The following HNRNPR variants were observed in gnomAD, a reference collection of about 807,000 sequenced individuals.
HNRNPR encodes the protein heterogeneous nuclear ribonucleoprotein R.
In HNRNPR, 4 loss-of-function variants were observed where a neutral mutation model predicts 70.3. The observed-to-expected ratio is 0.06, with a 90% CI of 0.03 to 0.13. The LOEUF is 0.13. Among genes scored for constraint, HNRNPR ranks in the 10% least tolerant of loss-of-function variants. The pLI is 1.00. For missense variants in HNRNPR, 423 were observed against 788.5 expected, an observed-to-expected ratio of 0.54 and a Z score of 5.55; for synonymous variants, 241 against 267.6, an observed-to-expected ratio of 0.90 and a Z score of 0.97.
intron 7 of HNRNPR, among the ~76,000 whole-genome samples, chr1:23,320,017 A>G (rs771479249): frequency 1.3e-5 from 2 of 152,222 alleles, no homozygotes; most frequent in South Asian, 2.1e-4. Context: ...TCTTATCACA[A>G]TGTCTAAATA....
chr1:23,317,819 A>G (rs1350066247), intron 8 of HNRNPR, among the ~76,000 whole-genome samples: 1 of 151,802 alleles, frequency 6.6e-6, no homozygotes, highest in Non-Finnish European at 1.5e-5. Flanking sequence ...GTCTCTACTA[A>G]AAATACAAAA....
intron 1 of HNRNPR, among the ~76,000 whole-genome samples, chr1:23,343,199 A>T (rs1324114733): frequency 6.6e-6 from 1 of 152,210 alleles, no homozygotes; most frequent in East Asian, 1.9e-4. Context: ...TTTGCAAAAA[A>T]AAAGGAGACA....
In HNRNPR at chr1:23,333,722, T is replaced by G. The variant is rs548713829; in HGVS notation, c.385-91A>C. Reference sequence around the variant, plus strand: ...AATCTTTTCCAAAAAGGACTCCAACTTCCTAGGAGATATATTTTTATGGTT... The same window carrying G: ...AATCTTTTCCAAAAAGGACTCCAACGTCCTAGGAGATATATTTTTATGGTT... On this transcript the variant is annotated intron_variant, in intron 4 of 10. Transcript: ENST00000302271. 187 of 661,492 alleles carry G rather than the reference T, an allele frequency of 2.8e-4. No homozygotes were observed. The African/African-American group carries it at 3.2e-3, about 11-fold the overall frequency. 41.0% of individuals were successfully genotyped at this position (661,492 alleles called of 1,614,324 possible).
chr1:23,341,093 T>C, intron 1 of HNRNPR, 76 bp from the exon 2 acceptor site: 2 of 1,082,786 alleles, frequency 1.8e-6, no homozygotes, highest in Non-Finnish European at 2.7e-6. Flanking sequence ...ATGATTTATC[T>C]AAACTAATTT....
At chr1:23,324,130 T>C (rs972992747) in intron 5 of HNRNPR, among the ~76,000 whole-genome samples, 2 of 151,088 alleles carry the variant, frequency 1.3e-5, no homozygotes, top group East Asian at 1.9e-4. Context: ...CTAGGCAACA[T>C]GGCAAAACCC....
chr1:23,335,682 A>G (rs1289429134), intron 4 of HNRNPR, among the ~76,000 whole-genome samples: 1 of 152,170 alleles, frequency 6.6e-6, no homozygotes, highest in Non-Finnish European at 1.5e-5. Flanking sequence ...GTATGCCCAG[A>G]TGGCACCATC....
In HNRNPR at chr1:23,307,085, A is replaced by G. The variant is rs540082777; in HGVS notation, c.*3369T>C. 27 of 152,324 alleles carry G rather than the reference A, an allele frequency of 1.8e-4. No individual in the cohort carries two copies. In the East Asian group the frequency reaches 5.0e-3, roughly 28 times the overall value. The allele number at this position is 152,324 out of a possible 1,614,324, so 9.4% of individuals were successfully genotyped here. ...ACTTTGGTTAGTTTTCTTTAAGAAT[A>G]TTGGTAGCTCAGTATAATAAAATTA... is the stretch of plus-strand genomic sequence containing the variant. On this transcript the variant is annotated 3_prime_UTR_variant, in exon 11 of 11. Coordinates refer to ENST00000302271, the MANE Select transcript of HNRNPR (RefSeq NM_005826.5).
At position 23,305,280 on chromosome 1, in the gene HNRNPR, C is replaced by A. The variant is rs1451567076; in HGVS notation, c.*5174G>T. Reference sequence around the variant, plus strand: ...ATGCTATTTAGTGCTAAGTTTTATACCCTGATCCTTTCTGTCACTGACACA... The same window carrying A: ...ATGCTATTTAGTGCTAAGTTTTATAACCTGATCCTTTCTGTCACTGACACA... On this transcript the variant is annotated 3_prime_UTR_variant, in exon 11 of 11. Transcript: ENST00000302271. 2 of 152,168 alleles carry A rather than the reference C, an allele frequency of 1.3e-5. No homozygotes were observed. The highest frequency in any genetic ancestry group is 2.9e-5 in the Non-Finnish European group (2 of 68,012). The allele number at this position is 152,168 out of a possible 1,614,324, so 9.4% of individuals were successfully genotyped here. A position where few individuals can be genotyped will look rare whatever the true frequency, so the allele number is the denominator to read the frequency against.
intron 1 of HNRNPR, among the ~76,000 whole-genome samples, chr1:23,343,969 C>G (rs1646811073): frequency 6.6e-6 from 1 of 152,140 alleles, no homozygotes; most frequent in Non-Finnish European, 1.5e-5. Context: ...CGGAGAGCGC[C>G]CAGCGGGCCG....
At position 23,313,842 on chromosome 1, in the gene HNRNPR, T is replaced by G. The variant is rs1645429075; in HGVS notation, c.1018-140A>C. The G allele has an allele frequency of 3.1e-6, 3 of 961,960 alleles. No individual in the cohort carries two copies. In the Admixed American group the frequency reaches 1.0e-4, roughly 33 times the overall value. 59.6% of individuals were successfully genotyped at this position (961,960 alleles called of 1,614,324 possible). On this transcript the variant is annotated intron_variant, in intron 8 of 10. Coordinates refer to ENST00000302271, the MANE Select transcript of HNRNPR (RefSeq NM_005826.5). The stretch of plus-strand genomic sequence containing the variant: ...TGTTGTTACAGGTAGTAAGAGAAAT[T>G]GCTAGGAAAATGACACTGATATCAG...
chr1:23,305,332 C>T lies in HNRNPR; in HGVS notation c.*5122G>A, dbSNP rs1374301124. 6.6e-6 allele frequency: 1 copy of T among 152,118 alleles called. No homozygotes were observed. Among genetic ancestry groups the T allele is most frequent in the African/African-American group, 2.4e-5 (1 of 41,424 alleles). 9.4% of individuals were successfully genotyped at this position (152,118 alleles called of 1,614,324 possible). A position where few individuals can be genotyped will look rare whatever the true frequency, so the allele number is the denominator to read the frequency against. On this transcript the variant is annotated 3_prime_UTR_variant, in exon 11 of 11. Transcript: ENST00000302271. ...GCATAAAATGTTACCTTAACACAAC[C>T]CTGCAATCACTACAATTCTTAAAAG...
intron 8 of HNRNPR, among the ~76,000 whole-genome samples, chr1:23,315,782 G>A (rs1320430992): frequency 6.6e-6 from 1 of 152,070 alleles, no homozygotes; most frequent in Non-Finnish European, 1.5e-5. Context: ...CTAATAAGAA[G>A]ATACTAATTT....
At chr1:23,313,789 T>G in intron 8 of HNRNPR, 87 bp from the exon 9 acceptor site, 1 of 1,405,874 alleles carries the variant, frequency 7.1e-7, no homozygotes, top group Non-Finnish European at 9.7e-7. Context: ...GCATAGCTTT[T>G]CTCCTCTAAA....
intron 5 of HNRNPR, among the ~76,000 whole-genome samples, 166 bp from the exon 6 acceptor site, chr1:23,323,898 T>C (rs972701753): frequency 1.3e-5 from 2 of 152,160 alleles, no homozygotes; most frequent in African/African-American, 2.4e-5. Context: ...CTAATTTTTA[T>C]TATAATGACC....
In HNRNPR at chr1:23,318,707, G is replaced by A; in HGVS notation, c.812-19C>T. On this transcript the variant is annotated intron_variant, in intron 7 of 10. Coordinates refer to ENST00000302271, the MANE Select transcript of HNRNPR (RefSeq NM_005826.5). This position sits in a 1 kb window ranked among gnomAD's most constrained non-coding sequence, Gnocchi z 4.2. ...AAACCCTCTGTTAAACCAACAGCCA[G>A]ATATATAAGCCAAAAGCATCCACCA... 1 of 1,613,020 alleles carries A rather than the reference G, an allele frequency of 6.2e-7. No individual in the cohort carries two copies. The highest frequency in any genetic ancestry group is 8.5e-7 in the Non-Finnish European group (1 of 1,179,270).
intron 4 of HNRNPR, among the ~76,000 whole-genome samples, chr1:23,334,232 T>G (rs1646366125): frequency 8.8e-6 from 1 of 114,184 alleles, no homozygotes; most frequent in Admixed American, 9.3e-5. Context: ...CTTTCTAGTG[T>G]ACTTTTTTTT....
chr1:23,314,007 G>GT (rs1553154180), intron 8 of HNRNPR, among the ~76,000 whole-genome samples: 5 of 152,056 alleles, frequency 3.3e-5, no homozygotes, highest in Middle Eastern at 3.4e-3. Flanking sequence ...TTCAAAACAA[G>GT]TTTTTCTGTT....
chr1:23,340,322 AAAG>A (rs1252216452), intron 2 of HNRNPR, among the ~76,000 whole-genome samples: 7 of 152,194 alleles, frequency 4.6e-5, no homozygotes, highest in South Asian at 4.1e-4. Context: ...AAAAAAAAAA[AAAG>A]AAGCAGCTGT....
intron 1 of HNRNPR, among the ~76,000 whole-genome samples, chr1:23,342,870 A>G (rs1646755407): frequency 6.6e-6 from 1 of 152,230 alleles, no homozygotes; most frequent in African/African-American, 2.4e-5. Flanking sequence ...CAAGACAGAA[A>G]TATTTATGCC....
Sources: allele counts gnomAD v4.1 joint callset (sites outside exome capture counted in the v4.1 genomes callset), GRCh38; gene constraint gnomAD v4.1.1; non-coding constraint Gnocchi (gnomAD v3.1); transcripts MANE v1.5; gene names NCBI Gene and HGNC (gene_info 2026-07-23, HGNC 2026-07-21).